The following NUDT14 variants were observed in gnomAD, a reference collection of about 807,000 sequenced individuals.
The protein encoded by NUDT14 is uridine diphosphate glucose pyrophosphatase NUDT14.
Under a neutral mutation model 17.5 loss-of-function variants are expected in NUDT14, and 22 were observed. That is an observed-to-expected ratio of 1.26 (90% CI 0.90 to 1.80). The LOEUF (loss-of-function observed/expected upper bound fraction) is 1.80. NUDT14 is among the 40% of genes most tolerant of loss of function. The pLI is 0.00. For missense variants in NUDT14, 296 were observed against 295.6 expected (o/e 1.00, Z -0.01); for synonymous variants, 129 against 125.8 (o/e 1.03, Z -0.17).
At chr14:105,180,988 C>T (rs1485577722) in intron 1 of NUDT14, 141 bp downstream of exon 1, 1 of 228,650 alleles carries the variant, frequency 4.4e-6, no homozygotes, top group Non-Finnish European at 7.4e-6. Context: ...GGCGGGCGGA[C>T]AAGCGGCCGC....
rs745909780 is a variant in NUDT14, at chr14:105,173,064, G to A, written c.626C>T (p.Ser209Leu). Residue 209 changes from serine (S) to leucine (L), a missense_variant, in exon 5 of 5, where the codon TCA (serine) becomes TTA (leucine). By Grantham distance (145) the Ser-to-Leu change is moderately radical (BLOSUM62 -2). Transcript: ENST00000392568. This position sits in a 1 kb window ranked among gnomAD's most constrained non-coding sequence, Gnocchi z 4.7. ...GGGGGCCACCTGGCTGAGGAACCAT[G>A]AGACACCAAAGATGACGCCGAGGGT... ...PKTLGVIFGV[S>L]WFLSQVAPNL... The A allele has an allele frequency of 3.3e-6, 5 of 1,533,042 alleles. No homozygotes were observed. 95.0% of individuals were successfully genotyped at this position (1,533,042 alleles called of 1,614,324 possible).
intron 1 of NUDT14, among the ~76,000 whole-genome samples, chr14:105,179,916 C>T (rs1889291027): frequency 6.6e-6 from 1 of 152,158 alleles, no homozygotes. Flanking sequence ...ACAGGATGCC[C>T]CCTGAGGGAG....
rs1417358054 is a variant in NUDT14, at chr14:105,172,983, AG to A, written c.*37del. On this transcript the variant is annotated 3_prime_UTR_variant, in exon 5 of 5. Transcript: ENST00000392568. The stretch of plus-strand genomic sequence containing the variant: ...ATTGGGGTCCGCGGGGTGTGGGGTG[AG>A]TGGCCAAGACTGGCCTCTGTCTAGA... The A allele has an allele frequency of 6.8e-7, 1 of 1,461,346 alleles. No homozygotes were observed. 90.5% of individuals were successfully genotyped at this position (1,461,346 alleles called of 1,614,324 possible).
At position 105,172,985 on chromosome 14, in the gene NUDT14, T is replaced by C; in HGVS notation, c.*36A>G. On this transcript the variant is annotated 3_prime_UTR_variant, in exon 5 of 5. Transcript: ENST00000392568. Reference sequence around the variant, plus strand: ...TGGGGTCCGCGGGGTGTGGGGTGAGTGGCCAAGACTGGCCTCTGTCTAGAA... The same window carrying C: ...TGGGGTCCGCGGGGTGTGGGGTGAGCGGCCAAGACTGGCCTCTGTCTAGAA... 1 of 1,455,484 alleles carries C rather than the reference T, an allele frequency of 6.9e-7. No individual in the cohort carries two copies. The highest frequency in any genetic ancestry group is 9.1e-7 in the Non-Finnish European group (1 of 1,103,134). The allele number at this position is 1,455,484 out of a possible 1,614,324, so 90.2% of individuals were successfully genotyped here.
At chr14:105,177,580 A>G (rs1370164930) in intron 2 of NUDT14, 112 bp downstream of exon 2, 2 of 991,990 alleles carry the variant, frequency 2.0e-6, no homozygotes, top group Non-Finnish European at 3.1e-6. Context: ...TTTGGAGCCC[A>G]CGCAGGGAAC....
intron 4 of NUDT14, among the ~76,000 whole-genome samples, chr14:105,174,828 C>T (rs1189057658): frequency 6.6e-6 from 1 of 152,200 alleles, no homozygotes; most frequent in Non-Finnish European, 1.5e-5. Flanking sequence ...TGACTGCCTC[C>T]CTGGGCCTTG....
In NUDT14 at chr14:105,173,080, C is replaced by T. The variant is rs368844988; in HGVS notation, c.610G>A (p.Val204Ile). The T allele has an allele frequency of 1.4e-5, 21 of 1,554,146 alleles. No homozygotes were observed. Among genetic ancestry groups the T allele is most frequent in the African/African-American group, 5.5e-5 (4 of 72,876 alleles). The change falls in exon 5 of 5, where the codon GTC becomes ATC. Residue 204 changes from valine (V) to isoleucine (I), a missense_variant. Val to Ile is a conservative substitution (Grantham distance 29). Transcript: ENST00000392568. This position sits in a 1 kb window ranked among gnomAD's most constrained non-coding sequence, Gnocchi z 4.7. ...AGGAACCATGAGACACCAAAGATGA[C>T]GCCGAGGGTCTTGGGGATGTCCGGG... Reference protein sequence around the residue: ...DDPDIPKTLGVIFGVSWFLSQ... With the variant: ...DDPDIPKTLGIIFGVSWFLSQ...
At position 105,181,037 on chromosome 14, in the gene NUDT14, C is replaced by G. The variant is rs1212782797; in HGVS notation, c.81+92G>C. 3.1e-6 allele frequency: 1 copy of G among 324,616 alleles called. No individual in the cohort carries two copies. The highest frequency in any genetic ancestry group is 2.3e-5 in the African/African-American group (1 of 44,096). The allele number at this position is 324,616 out of a possible 1,614,324, so 20.1% of individuals were successfully genotyped here. A position where few individuals can be genotyped will look rare whatever the true frequency, so the allele number is the denominator to read the frequency against. On this transcript the variant is annotated intron_variant, in intron 1 of 4. Coordinates refer to ENST00000392568, the MANE Select transcript of NUDT14 (RefSeq NM_177533.5). This position sits in a 1 kb window ranked among gnomAD's most constrained non-coding sequence, Gnocchi z 5.0. ...GGGAGGCGGGGGCGGGGCTCCGGGG[C>G]GGGGCCGGCAGCGCGGAAGATGGTG...
chr14:105,176,871 G>C lies in NUDT14; in HGVS notation c.190+92C>G. 4 of 1,554,302 alleles carry C rather than the reference G, an allele frequency of 2.6e-6. No individual in the cohort carries two copies. In the South Asian group the frequency reaches 4.5e-5, roughly 17 times the overall value. On this transcript the variant is annotated intron_variant, in intron 3 of 4. Coordinates refer to ENST00000392568, the MANE Select transcript of NUDT14 (RefSeq NM_177533.5). ...CCTCCCAGGGCCTCAGCTTCCCCTG[G>C]AGCCCCCTCCCACATCTGTATTCAG...
intron 1 of NUDT14, among the ~76,000 whole-genome samples, chr14:105,178,144 G>A (rs1367538057): frequency 2.0e-5 from 3 of 152,006 alleles, no homozygotes; most frequent in Non-Finnish European, 2.9e-5. Flanking sequence ...CAGAGGAGAG[G>A]TCAGGTTTTC....
chr14:105,176,010 T>C lies in NUDT14; in HGVS notation c.428+524A>G, dbSNP rs1004852854. The C allele has an allele frequency of 1.1e-5, 14 of 1,263,500 alleles. No homozygotes were observed. The African/African-American group carries it at 2.0e-4, about 18-fold the overall frequency. 78.3% of individuals were successfully genotyped at this position (1,263,500 alleles called of 1,614,324 possible). A position where few individuals can be genotyped will look rare whatever the true frequency, so the allele number is the denominator to read the frequency against. ...TCCCTGGGGAAGTGGATGGGCTTCA[T>C]ACCAACATCTAGTCCTGGGAAGGCA... is the stretch of plus-strand genomic sequence containing the variant. On this transcript the variant is annotated intron_variant, in intron 4 of 4. Coordinates refer to ENST00000392568, the MANE Select transcript of NUDT14 (RefSeq NM_177533.5).
At chr14:105,174,296 C>T (rs1264791990) in intron 4 of NUDT14, among the ~76,000 whole-genome samples, 1 of 151,808 alleles carries the variant, frequency 6.6e-6, no homozygotes, top group African/African-American at 2.4e-5. Context: ...GGGCTGCATT[C>T]TGGAACAGGA....
In NUDT14 at chr14:105,181,154, C is replaced by T; in HGVS notation, c.56G>A (p.Arg19Gln). Residue 19 changes from arginine (R) to glutamine (Q), a missense_variant, in exon 1 of 5, where the codon CGG becomes CAG. By Grantham distance (43) the Arg-to-Gln change is conservative. Transcript: ENST00000392568. The surrounding 1 kb of genome is among the most constrained non-coding windows in gnomAD (Gnocchi z 5.0). Reference sequence around the variant, plus strand: ...CTGGCGGTAATGCAGCGTGAGCGGCCGCAGGTAGGGTGAGGCGGCGCAGCG... The same window carrying T: ...CTGGCGGTAATGCAGCGTGAGCGGCTGCAGGTAGGGTGAGGCGGCGCAGCG... ...VGRCAASPYL[R>Q]PLTLHYRQNG... The T allele has an allele frequency of 8.6e-7, 1 of 1,160,202 alleles. No homozygotes were observed. Among genetic ancestry groups the T allele is most frequent in the Non-Finnish European group, 1.1e-6 (1 of 936,424 alleles). The allele number at this position is 1,160,202 out of a possible 1,614,324, so 71.9% of individuals were successfully genotyped here.
chr14:105,180,973 G>T (rs989023701), intron 1 of NUDT14, among the ~76,000 whole-genome samples, 156 bp downstream of exon 1: 6 of 151,996 alleles, frequency 3.9e-5, no homozygotes, highest in African/African-American at 1.4e-4. Flanking sequence ...GGGAACCCGC[G>T]ATCCGGCGGG....
At chr14:105,176,857 C>T (rs1181953297) in intron 3 of NUDT14, 86 bp from the exon 4 acceptor site, 2 of 1,554,516 alleles carry the variant, frequency 1.3e-6, no homozygotes, top group Non-Finnish European at 1.8e-6. Flanking sequence ...CTCCCAGGGC[C>T]TCAGCTTCCC....
chr14:105,176,399 G>A (rs886255243), intron 4 of NUDT14, 135 bp downstream of exon 4: 4 of 771,600 alleles, frequency 5.2e-6, no homozygotes, highest in African/African-American at 1.7e-5. Flanking sequence ...AGGCGCATTC[G>A]GTCCAACCCT....
At chr14:105,174,766 C>T (rs1040561347) in intron 4 of NUDT14, among the ~76,000 whole-genome samples, 3 of 152,120 alleles carry the variant, frequency 2.0e-5, no homozygotes, top group East Asian at 1.9e-4. Context: ...GGCTGGGCAA[C>T]GCCTCCCCCA....
intron 3 of NUDT14, 43 bp downstream of exon 3, chr14:105,176,920 A>G (rs1387504677): frequency 6.3e-7 from 1 of 1,593,418 alleles, no homozygotes; most frequent in Non-Finnish European, 8.6e-7. Flanking sequence ...CAGGGACCTG[A>G]AGGTGACCCT....
At chr14:105,178,737 T>C (rs1329215126) in intron 1 of NUDT14, among the ~76,000 whole-genome samples, 1 of 152,176 alleles carries the variant, frequency 6.6e-6, no homozygotes. Flanking sequence ...GACACAGAAG[T>C]GCAGCCAGGA....
Sources: gnomAD v4.1 joint callset for allele counts (sites outside exome capture counted in the v4.1 genomes callset) on GRCh38, gnomAD v4.1.1 for gene constraint, Gnocchi (gnomAD v3.1) non-coding constraint, MANE v1.5 for transcripts, NCBI Gene and HGNC (gene_info 2026-07-23, HGNC 2026-07-21) for gene names.